WDR24: variants seen among roughly 807,000 people sequenced by gnomAD.
WDR24 encodes the protein GATOR2 complex protein WDR24.
A neutral mutation model predicts 66.7 loss-of-function variants in WDR24; 32 were observed. The ratio of observed to expected loss-of-function variants is 0.48; its 90% confidence interval spans 0.36 to 0.64. The LOEUF (loss-of-function observed/expected upper bound fraction) is 0.64, where lower values mean the gene tolerates loss of function less well. Ranked by LOEUF, WDR24 falls within the 30% of genes least tolerant of loss-of-function variation. The probability of loss-of-function intolerance (pLI) is 0.00; values close to 1 mark genes in which losing one functional copy is unlikely to be tolerated. For missense variants in WDR24, 978 were observed against 1,144.1 expected (o/e 0.85, Z 2.09); for synonymous variants, 565 against 469.1 (o/e 1.20, Z -2.64).
intron 1 of WDR24, 181 bp downstream of exon 1, chr16:688,979 C>A (rs1441375850): frequency 1.0e-6 from 1 of 965,180 alleles, no homozygotes; most frequent in Non-Finnish European, 1.5e-6. Flanking sequence ...ACTGCCCTGG[C>A]TCACATGCCG....
chr16:687,123 G>T lies in WDR24; in HGVS notation c.953C>A (p.Ser318Tyr). 6.2e-7 allele frequency: 1 copy of T among 1,611,588 alleles called. No homozygotes were observed. ...GTGCTGGCACAGCGAGCTGTCCTTG[G>T]AGCCAGACAGCAGGAAGGAGGGGTC... ...PHDPSFLLSG[S>Y]KDSSLCQHLF... Residue 318 changes from serine (S) to tyrosine (Y), a missense_variant, in exon 3 of 9, where the codon TCC (serine) becomes TAC (tyrosine). Ser to Tyr is a moderately radical substitution (Grantham distance 144, BLOSUM62 -2). This residue lies in a region of WDR24 where 302 missense variants were observed against 526.6 expected (regional missense o/e 0.57). Coordinates refer to ENST00000293883, the MANE Select transcript of WDR24 (RefSeq NM_032259.4).
At position 689,670 on chromosome 16, in the gene WDR24, G is replaced by A; in HGVS notation, c.-30C>T. The A allele has an allele frequency of 6.2e-7, 1 of 1,604,776 alleles. No homozygotes were observed. Among genetic ancestry groups the A allele is most frequent in the South Asian group, 1.1e-5 (1 of 90,474 alleles). On this transcript the variant is annotated 5_prime_UTR_variant, in exon 1 of 9. Coordinates refer to ENST00000293883, the MANE Select transcript of WDR24 (RefSeq NM_032259.4). ...GCACAGGTGATGAGGTCAGGGGTCAGGAGGTCAGTGAGGTGGGCTGGCCTG... is the reference window on the plus strand; with the variant it reads ...GCACAGGTGATGAGGTCAGGGGTCAAGAGGTCAGTGAGGTGGGCTGGCCTG...
chr16:689,971 C>T lies in WDR24; in HGVS notation c.-331G>A, dbSNP rs1193574871. 4 of 565,602 alleles carry T rather than the reference C, an allele frequency of 7.1e-6. No individual in the cohort carries two copies. The highest frequency in any genetic ancestry group is 4.1e-5 in the East Asian group (1 of 24,160). The allele number at this position is 565,602 out of a possible 1,614,324, so 35.0% of individuals were successfully genotyped here. On this transcript the variant is annotated 5_prime_UTR_variant, in exon 1 of 9. Coordinates refer to ENST00000293883, the MANE Select transcript of WDR24 (RefSeq NM_032259.4). ...GACATTCCCGGCCCAGGCCACCTCTCGGTACCCCCATCAGCCAGATCTGGG... is the reference window on the plus strand; with the variant it reads ...GACATTCCCGGCCCAGGCCACCTCTTGGTACCCCCATCAGCCAGATCTGGG...
chr16:685,227 T>A, intron 7 of WDR24, 30 bp downstream of exon 7: 14 of 1,596,398 alleles, frequency 8.8e-6, no homozygotes, highest in Non-Finnish European at 1.1e-5. Flanking sequence ...GGGGCGGCGC[T>A]GCAGGGGGGA....
chr16:684,725 G>A lies in WDR24; in HGVS notation c.*9C>T. 8.2e-6 allele frequency: 13 copies of A among 1,584,106 alleles called. No homozygotes were observed. Among genetic ancestry groups the A allele is most frequent in the Non-Finnish European group, 1.1e-5 (13 of 1,165,294 alleles). ...CGCGGCCGCCCGGGCAAGCCCAGCA[G>A]ATGCCCCGTCAGGAGTACTCGCAGA... On this transcript the variant is annotated 3_prime_UTR_variant, in exon 9 of 9. Transcript: ENST00000293883.
In WDR24 at chr16:685,228, G is replaced by A. The variant is rs371070359; in HGVS notation, c.2019+29C>T. 1.7e-5 allele frequency: 27 copies of A among 1,595,926 alleles called. No individual in the cohort carries two copies. The African/African-American group carries it at 3.6e-4, about 21-fold the overall frequency. ...GGATCTGGGTGCCAGGGGCGGCGCT[G>A]CAGGGGGGAGGCCCCGCCCACCACA... On this transcript the variant is annotated intron_variant, in intron 7 of 8. Transcript: ENST00000293883.
chr16:685,055 G>A lies in WDR24; in HGVS notation c.2141C>T (p.Thr714Ile). The A allele has an allele frequency of 6.4e-7, 1 of 1,558,276 alleles. No homozygotes were observed. Among genetic ancestry groups the A allele is most frequent in the Non-Finnish European group, 8.7e-7 (1 of 1,152,294 alleles). The change falls in exon 8 of 9, where the codon ACC becomes ATC. Residue 714 changes from threonine (T) to isoleucine (I), a missense_variant. Physicochemically the swap from Thr to Ile is moderately conservative, Grantham distance 89. Around this residue, in one of 2 missense-constraint regions of WDR24, gnomAD observed 676 missense variants for 617.5 expected, o/e 1.09. Coordinates refer to ENST00000293883, the MANE Select transcript of WDR24 (RefSeq NM_032259.4). ...GCAGTGGCTGCAGTTGACGTGCAGG[G>A]TGGTGGAGGCCTGGTTGAGGCAGCT... Reference protein sequence around the residue: ...AVSCLNQASTTLHVNCSHCKR... With the variant: ...AVSCLNQASTILHVNCSHCKR...
In WDR24 at chr16:687,681, G is replaced by A. The variant is rs749653258; in HGVS notation, c.540C>T (p.Ala180=). The A allele has an allele frequency of 3.1e-6, 5 of 1,613,686 alleles. No individual in the cohort carries two copies. The highest frequency in any genetic ancestry group is 3.4e-6 in the Non-Finnish European group (4 of 1,180,024). ...QFSIRDYFTF[A]STFENGNVQL... ...GCACATTGCCGTTCTCAAAGGTGGAGGCGAAGGTGAAGTAGTCCCGGATAC... is the reference window on the plus strand; with the variant it reads ...GCACATTGCCGTTCTCAAAGGTGGAAGCGAAGGTGAAGTAGTCCCGGATAC... Residue 180 remains alanine, a synonymous_variant, in exon 2 of 9, where the codon GCC becomes GCT. Coordinates refer to ENST00000293883, the MANE Select transcript of WDR24 (RefSeq NM_032259.4).
At chr16:686,345 G>A (rs751277041) in intron 3 of WDR24, among the ~76,000 whole-genome samples, 159 bp from the exon 4 acceptor site, 6 of 152,206 alleles carry the variant, frequency 3.9e-5, no homozygotes, top group Admixed American at 1.3e-4. Flanking sequence ...TCATGGGAAA[G>A]ACAAAAACCC....
Position 685,907 on chromosome 16 carries a change from A to G in WDR24, c.1535T>C (p.Val512Ala), listed in dbSNP as rs772022296. ...RSKGDARSDT[V>A]LLDSSATLIT... ...GAGTGTGGCCGAGGAGTCGAGCAGA[A>G]CTGTGTCGCTCCGTGCATCTCCTTT... Residue 512 changes from valine (V) to alanine (A), a missense_variant, in exon 5 of 9, where the codon GTT becomes GCT. Val to Ala is a moderately conservative substitution (Grantham distance 64). Coordinates refer to ENST00000293883, the MANE Select transcript of WDR24 (RefSeq NM_032259.4). 1 of 1,613,164 alleles carries G rather than the reference A, an allele frequency of 6.2e-7. No individual in the cohort carries two copies. Among genetic ancestry groups the G allele is most frequent in the South Asian group, 1.1e-5 (1 of 91,080 alleles).
rs117498884 is a variant in WDR24 at position 688,254 on chromosome 16, C to G, written c.482-515G>C. On this transcript the variant is annotated intron_variant, in intron 1 of 8. Transcript: ENST00000293883. Reference sequence around the variant, plus strand: ...CACCAAGAAACTTCAAGGGCGGTACCCAACCTTCCTCCAGGGCCCTGCAGG... The same window carrying G: ...CACCAAGAAACTTCAAGGGCGGTACGCAACCTTCCTCCAGGGCCCTGCAGG... 5.5e-3 allele frequency among the ~76,000 whole-genome samples: 845 copies of G among 152,292 alleles called. 16 individuals carry two copies. Among genetic ancestry groups the G allele is most frequent in the East Asian group, 0.051 (266 of 5,174 alleles).
At chr16:689,038 G>A in intron 1 of WDR24, 122 bp downstream of exon 1, 1 of 1,469,434 alleles carries the variant, frequency 6.8e-7, no homozygotes, top group Middle Eastern at 1.8e-4. Context: ...CTTTCCCCCT[G>A]AGGAAGCCCT....
At position 684,784 on chromosome 16, in the gene WDR24, C is replaced by T. The variant is rs1055584313; in HGVS notation, c.2323G>A (p.Gly775Ser). The T allele has an allele frequency of 3.1e-6, 5 of 1,593,572 alleles. No homozygotes were observed. The African/African-American group carries it at 6.7e-5, about 21-fold the overall frequency. The change falls in exon 9 of 9, where the codon GGC becomes AGC. Residue 775 changes from glycine to serine, a missense_variant. This residue lies in a region of WDR24 where 676 missense variants were observed against 617.5 expected (regional missense o/e 1.09). Transcript: ENST00000293883. ...HLQHIMKWLE[G>S]SSHCPAGCGH... is the part of the protein sequence containing the mutation. ...CAGCCTGCGGGACAGTGGGAGCTGC[C>T]TTCCAGCCACTTCATGATGTGCTGC...
rs777985950 is a variant in WDR24, at chr16:686,207, C to G, written c.1333-21G>C. On this transcript the variant is annotated intron_variant, in intron 3 of 8. Coordinates refer to ENST00000293883, the MANE Select transcript of WDR24 (RefSeq NM_032259.4). ...GCCACCTAGGGGCGGGCACTGGTCACTTGTGGGCGTCCTGGACACCCAGCA... is the reference window on the plus strand; with the variant it reads ...GCCACCTAGGGGCGGGCACTGGTCAGTTGTGGGCGTCCTGGACACCCAGCA... The G allele has an allele frequency of 2.5e-6, 4 of 1,610,146 alleles. No homozygotes were observed. The African/African-American group carries it at 5.3e-5, about 21-fold the overall frequency.
At position 686,899 on chromosome 16, in the gene WDR24, C is replaced by T. The variant is rs750639003; in HGVS notation, c.1177G>A (p.Ala393Thr). 20 of 1,608,298 alleles carry T rather than the reference C, an allele frequency of 1.2e-5. No individual in the cohort carries two copies. The East Asian group carries it at 2.5e-4, about 20-fold the overall frequency. ...LDPAEPFAGL[A>T]SSALSVFETE... ...TCAAAGACACTGAGGGCACTGGAGG[C>T]GAGGCCTGCGAAGGGCTCGGCAGGG... The change falls in exon 3 of 9, where the codon GCC becomes ACC. Residue 393 changes from alanine to threonine, a missense_variant. By Grantham distance (58) the Ala-to-Thr change is moderately conservative. This residue lies in a region of WDR24 where 676 missense variants were observed against 617.5 expected (regional missense o/e 1.09). Coordinates refer to ENST00000293883, the MANE Select transcript of WDR24 (RefSeq NM_032259.4).
At position 690,350 on chromosome 16, in the gene WDR24, A is replaced by G. The variant is rs1300026729; in HGVS notation, c.-710T>C. The G allele has an allele frequency of 2.0e-5, 9 of 456,562 alleles. No individual in the cohort carries two copies. Among genetic ancestry groups the G allele is most frequent in the African/African-American group, 8.0e-5 (4 of 50,184 alleles). The allele number at this position is 456,562 out of a possible 1,614,324, so 28.3% of individuals were successfully genotyped here. ...GCCCTTCTCCCCCGCGCGAACCCCA[A>G]TCTTTTACTAAAAGCGCACGGTTGT... On this transcript the variant is annotated 5_prime_UTR_variant, in exon 1 of 9. Transcript: ENST00000293883.
Position 685,150 on chromosome 16 carries a change from G to A in WDR24, c.2046C>T (p.Asp682=), listed in dbSNP as rs370025736. ...TQEHWYTSYI[D]LLQRFRLWNV... is the part of the protein sequence containing the mutation. ...TCCAGAGGCGGAAGCGCTGCAGCAGGTCGATGTAGGAAGTGTACCAGTGCT... is the reference window on the plus strand; with the variant it reads ...TCCAGAGGCGGAAGCGCTGCAGCAGATCGATGTAGGAAGTGTACCAGTGCT... The change falls in exon 8 of 9, where the codon GAC becomes GAT. Residue 682 remains aspartate (D), a synonymous_variant. Transcript: ENST00000293883. 5.0e-5 allele frequency: 78 copies of A among 1,572,554 alleles called. No individual in the cohort carries two copies. Among genetic ancestry groups the A allele is most frequent in the Non-Finnish European group, 6.0e-5 (70 of 1,160,148 alleles).
chr16:686,813 C>G lies in WDR24; in HGVS notation c.1263G>C (p.Leu421=), dbSNP rs2039913057. ...AGAGCTCGGCCAGTGGCCGGCCAGCCAGCGCATAACGCTCAGCTGTGTCCA... is the reference window on the plus strand; with the variant it reads ...AGAGCTCGGCCAGTGGCCGGCCAGCGAGCGCATAACGCTCAGCTGTGTCCA... ...WFVDTAERYA[L]AGRPLAELCD... Residue 421 remains leucine, a synonymous_variant, in exon 3 of 9, where the codon CTG becomes CTC. Coordinates refer to ENST00000293883, the MANE Select transcript of WDR24 (RefSeq NM_032259.4). 1.2e-6 allele frequency: 2 copies of G among 1,611,744 alleles called. No individual in the cohort carries two copies. Among genetic ancestry groups the G allele is most frequent in the Non-Finnish European group, 1.7e-6 (2 of 1,179,398 alleles).
Position 689,732 on chromosome 16 carries a change from C to A in WDR24, c.-92G>T. On this transcript the variant is annotated 5_prime_UTR_variant, in exon 1 of 9. Coordinates refer to ENST00000293883, the MANE Select transcript of WDR24 (RefSeq NM_032259.4). ...TGGGTCATCAGTTCAGACCTTCCAC[C>A]CAGGTTGGGACCCCAGAACTGCTTG... 6.6e-7 allele frequency: 1 copy of A among 1,522,566 alleles called. No homozygotes were observed. The highest frequency in any genetic ancestry group is 2.4e-5 in the East Asian group (1 of 42,100). 94.3% of individuals were successfully genotyped at this position (1,522,566 alleles called of 1,614,324 possible).
Sources: allele counts gnomAD v4.1 joint callset (sites outside exome capture counted in the v4.1 genomes callset), GRCh38; gene constraint gnomAD v4.1.1; regional missense constraint gnomAD v4.1.1; transcripts MANE v1.5; gene names NCBI Gene and HGNC (gene_info 2026-07-23, HGNC 2026-07-21).